The following MEAK7 variants were observed in gnomAD, a reference collection of about 807,000 sequenced individuals.
MEAK7 encodes the protein MTOR associated protein MEAK7.
MEAK7 carries 68 observed loss-of-function variants against 40.5 expected under a neutral mutation model. That is an observed-to-expected ratio of 1.68 (90% CI 1.38 to 2.06). The LOEUF is 2.06. Ranked by LOEUF, MEAK7 falls within the 30% of genes most tolerant of loss-of-function variation. MEAK7 has a pLI of 0.00. For missense variants in MEAK7, 918 were observed against 580.5 expected, an observed-to-expected ratio of 1.58 and a Z score of -5.98; for synonymous variants, 338 against 231.9, an observed-to-expected ratio of 1.46 and a Z score of -4.16.
chr16:84,485,194 T>G (rs1912926755), intron 5 of MEAK7, among the ~76,000 whole-genome samples: 1 of 152,028 alleles, frequency 6.6e-6, no homozygotes, highest in Non-Finnish European at 1.5e-5. Flanking sequence ...GAGGCTGCTG[T>G]CTCTAGAAAG....
chr16:84,495,910 G>C lies in MEAK7; in HGVS notation c.157C>G (p.His53Asp). The change falls in exon 3 of 8, where the codon CAC (histidine) becomes GAC (aspartate). Residue 53 changes from histidine to aspartate, a missense_variant. By Grantham distance (81) the His-to-Asp change is moderately conservative. Coordinates refer to ENST00000343629, the MANE Select transcript of MEAK7 (RefSeq NM_020947.4). ...TCTGGGGGAAGAGCTTCCCCGACGT[G>C]GTTCTGCCGGGGACAAGCAGAAAAA... ...KSFSLKALQN[H>D]VGEALPPEMV... 1 of 1,613,854 alleles carries C rather than the reference G, an allele frequency of 6.2e-7. No individual in the cohort carries two copies. Among genetic ancestry groups the C allele is most frequent in the Non-Finnish European group, 8.5e-7 (1 of 1,179,990 alleles).
At chr16:84,501,272 G>A (rs564456626) in intron 1 of MEAK7, among the ~76,000 whole-genome samples, 3 of 152,162 alleles carry the variant, frequency 2.0e-5, no homozygotes, top group South Asian at 4.1e-4. Flanking sequence ...GGAACAGCAC[G>A]CACGGGGCAT....
rs750412481 is a variant in MEAK7, at chr16:84,480,655, C to A, written c.1131G>T (p.Gly377=). ...TGGGCTTGGCTCTGCTGTGTCCTTTCCCAAAATCAACATCCACCCAAAGCC... is the reference window on the plus strand; with the variant it reads ...TGGGCTTGGCTCTGCTGTGTCCTTTACCAAAATCAACATCCACCCAAAGCC... ...YFGLWVDVDF[G]KGHSRAKPTC... The change falls in exon 7 of 8, where the codon GGG becomes GGT. Residue 377 remains glycine, a synonymous_variant. Transcript: ENST00000343629. The A allele has an allele frequency of 1.9e-6, 3 of 1,613,808 alleles. No homozygotes were observed. The highest frequency in any genetic ancestry group is 2.2e-5 in the East Asian group (1 of 44,886).
intron 7 of MEAK7, 101 bp downstream of exon 7, chr16:84,480,428 C>G (rs1203665769): frequency 5.8e-6 from 8 of 1,369,934 alleles, no homozygotes; most frequent in African/African-American, 3.0e-5. Context: ...TTGGGATAAA[C>G]TATCTGCAGA....
intron 3 of MEAK7, among the ~76,000 whole-genome samples, chr16:84,492,782 A>G (rs539446333): frequency 3.9e-5 from 6 of 152,212 alleles, no homozygotes; most frequent in Non-Finnish European, 8.8e-5. Flanking sequence ...GGGTTTCACC[A>G]TGTTAGCGAG....
intron 7 of MEAK7, 110 bp from the exon 8 acceptor site, chr16:84,480,136 T>A: frequency 1.2e-6 from 1 of 856,072 alleles, no homozygotes; most frequent in Non-Finnish European, 1.8e-6. Flanking sequence ...CGGTTCCCCC[T>A]AAGGCCCCTC....
At chr16:84,490,029 C>T (rs1317450273) in intron 3 of MEAK7, among the ~76,000 whole-genome samples, 1 of 152,324 alleles carries the variant, frequency 6.6e-6, no homozygotes, top group Non-Finnish European at 1.5e-5. Context: ...ATGACTAAAA[C>T]TTAAACAACC....
chr16:84,496,968 A>C (rs1313963738), intron 2 of MEAK7: 1 of 160,986 alleles, frequency 6.2e-6, no homozygotes, highest in Non-Finnish European at 1.4e-5. Flanking sequence ...CAAATATACC[A>C]GCTTTTACTT....
intron 4 of MEAK7, chr16:84,487,373 G>T (rs9925154): frequency 0.077 from 23,219 of 301,584 alleles, 1,847 homozygotes; most frequent in East Asian, 0.32. Flanking sequence ...CCTAGAAAAG[G>T]GAAAATTTCA....
At chr16:84,480,091 C>T in intron 7 of MEAK7, 65 bp from the exon 8 acceptor site, 1 of 1,325,788 alleles carries the variant, frequency 7.5e-7, no homozygotes, top group Admixed American at 2.3e-5. Flanking sequence ...CAGCTTCCTG[C>T]TAGTTTTCCA....
chr16:84,481,369 C>T (rs1368195024), intron 6 of MEAK7, among the ~76,000 whole-genome samples: 1 of 152,192 alleles, frequency 6.6e-6, no homozygotes, highest in East Asian at 1.9e-4. Flanking sequence ...AGCACACTGC[C>T]CAGAGTTGAC....
At chr16:84,497,392 T>C (rs1164635734) in intron 2 of MEAK7, 1 of 1,266,686 alleles carries the variant, frequency 7.9e-7, no homozygotes, top group Non-Finnish European at 1.0e-6. Context: ...AGGAATATCA[T>C]GAAATTCCTA....
At chr16:84,489,731 T>G (rs1913406272) in intron 3 of MEAK7, among the ~76,000 whole-genome samples, 1 of 152,160 alleles carries the variant, frequency 6.6e-6, no homozygotes, top group African/African-American at 2.4e-5. Flanking sequence ...GATGATTTGC[T>G]GAGGCCCAGG....
At chr16:84,482,844 G>T in intron 5 of MEAK7, 134 bp from the exon 6 acceptor site, 2 of 1,391,982 alleles carry the variant, frequency 1.4e-6, no homozygotes, top group Non-Finnish European at 2.0e-6. Context: ...GGTGTCGGCA[G>T]ATCAGGGTTT....
intron 4 of MEAK7, among the ~76,000 whole-genome samples, chr16:84,489,034 G>C (rs572033270): frequency 6.5e-4 from 99 of 152,308 alleles, no homozygotes; most frequent in Non-Finnish European, 5.9e-5. Context: ...CCTTTAGCTA[G>C]ACTAAGAGGA....
intron 1 of MEAK7, among the ~76,000 whole-genome samples, chr16:84,499,731 C>A (rs897329322): frequency 1.3e-5 from 2 of 152,140 alleles, no homozygotes; most frequent in Non-Finnish European, 2.9e-5. Context: ...GTATTCTGGG[C>A]ATTTCATATA....
chr16:84,485,380 CCCTGCTACCTATTCCAGCCAGATGCCA>C (rs1300881239), intron 5 of MEAK7, among the ~76,000 whole-genome samples: 1 of 152,184 alleles, frequency 6.6e-6, no homozygotes, highest in Non-Finnish European at 1.5e-5. Context: ...ACCTGGTGAC[CCCTGCTACCTATTCCAGCCAGATGCCA>C]CCTAGCCTCT....
rs768324649 is a variant in MEAK7, at chr16:84,495,826, C to T, written c.241G>A (p.Gly81Arg). Residue 81 changes from glycine to arginine, a missense_variant, in exon 3 of 8, where the codon GGA becomes AGA. Coordinates refer to ENST00000343629, the MANE Select transcript of MEAK7 (RefSeq NM_020947.4). ...TCCTGGGACACGTTCTCACTGGGTC[C>T]CTTCGCCTTCCCTGTCAGGTCGACC... is the stretch of plus-strand genomic sequence containing the variant. ...RRVDLTGKAK[G>R]PSENVSQEQF... 10 of 1,614,102 alleles carry T rather than the reference C, an allele frequency of 6.2e-6. No individual in the cohort carries two copies. In the South Asian group the frequency reaches 9.9e-5, roughly 16 times the overall value.
chr16:84,498,042 C>T lies in MEAK7; in HGVS notation c.45G>A (p.Gln15=), dbSNP rs1567504870. Residue 15 remains glutamine, a synonymous_variant, in exon 2 of 8, where the codon CAG becomes CAA. Coordinates refer to ENST00000343629, the MANE Select transcript of MEAK7 (RefSeq NM_020947.4). ...RSRVGRSFCS[Q]FLPEEQAEID... is the part of the protein sequence containing the mutation. ...TCTCTGCCTGTTCCTCAGGAAGAAACTGTGAACAAAAGCTCCGCCCCACAC... is the reference window on the plus strand; with the variant it reads ...TCTCTGCCTGTTCCTCAGGAAGAAATTGTGAACAAAAGCTCCGCCCCACAC... 5 of 1,614,002 alleles carry T rather than the reference C, an allele frequency of 3.1e-6. No individual in the cohort carries two copies. In the African/African-American group the frequency reaches 6.7e-5, roughly 22 times the overall value.
Sources: gnomAD v4.1 joint callset for allele counts (sites outside exome capture counted in the v4.1 genomes callset) on GRCh38, gnomAD v4.1.1 for gene constraint, MANE v1.5 for transcripts, NCBI Gene and HGNC (gene_info 2026-07-23, HGNC 2026-07-21) for gene names.